The following TMEM114 variants were observed in gnomAD, a reference collection of about 807,000 sequenced individuals.
TMEM114 encodes the protein transmembrane protein 114.
TMEM114 carries 6 observed loss-of-function variants against 6.2 expected under a neutral mutation model. The observed-to-expected ratio is 0.97, with a 90% CI of 0.53 to 1.91. The LOEUF (loss-of-function observed/expected upper bound fraction) is 1.91. TMEM114 is among the 40% of genes most tolerant of loss of function. The pLI, the probability that TMEM114 is intolerant of heterozygous loss-of-function variation, is 0.01. For synonymous variants in TMEM114, 104 were observed against 73.0 expected, an observed-to-expected ratio of 1.42 and a Z score of -2.16; for missense variants, 218 against 158.3, an observed-to-expected ratio of 1.38 and a Z score of -2.02.
chr16:8,564,335 G>A (rs115836470), intron 2 of TMEM114, among the ~76,000 whole-genome samples: 1,480 of 139,896 alleles, frequency 0.011, 119 homozygotes, highest in African/African-American at 0.038. Flanking sequence ...GTTAGAGAAT[G>A]AGTCAGTGAG....
At chr16:8,527,611 A>G in the TMEM114 span, among the ~76,000 whole-genome samples, 1 of 152,076 alleles carries the variant, frequency 6.6e-6, no homozygotes, top group African/African-American at 2.4e-5. Context: ...CTGTGCCTGT[A>G]CTAAGCCCCT....
intron 2 of TMEM114, among the ~76,000 whole-genome samples, chr16:8,556,914 A>T (rs1596474630): frequency 6.6e-6 from 1 of 152,300 alleles, no homozygotes; most frequent in Middle Eastern, 3.4e-3. Flanking sequence ...GCCTTCCGTA[A>T]TGTGGCCCCT....
chr16:8,559,805 C>T (rs528692568), intron 2 of TMEM114, among the ~76,000 whole-genome samples: 1 of 152,124 alleles, frequency 6.6e-6, no homozygotes, highest in Non-Finnish European at 1.5e-5. Flanking sequence ...GTGCGTGAAG[C>T]CCAGGTTTCC....
At position 8,569,626 on chromosome 16, in the gene TMEM114, A is replaced by C; in HGVS notation, c.*147T>G. ...AGGATAACAGCCAGGCCCCAAGCTT[A>C]GTCCGCGGGGATTTGTGGGGGAAGG... On this transcript the variant is annotated 3_prime_UTR_variant, in exon 4 of 4. Coordinates refer to ENST00000620492, the MANE Select transcript of TMEM114 (RefSeq NM_001146336.2). The C allele has an allele frequency of 1.4e-6, 2 of 1,436,460 alleles. No individual in the cohort carries two copies. Among genetic ancestry groups the C allele is most frequent in the Middle Eastern group, 2.6e-4 (1 of 3,898 alleles). 89.0% of individuals were successfully genotyped at this position (1,436,460 alleles called of 1,614,324 possible). A position where few individuals can be genotyped will look rare whatever the true frequency, so the allele number is the denominator to read the frequency against.
At chr16:8,549,081 C>T (rs888195648) in intron 2 of TMEM114, among the ~76,000 whole-genome samples, 4 of 148,448 alleles carry the variant, frequency 2.7e-5, no homozygotes, top group Non-Finnish European at 4.4e-5. Flanking sequence ...GCTGGGGAGG[C>T]TGAGGCAGGA....
chr16:8,542,922 C>G (rs183598945), intron 2 of TMEM114, among the ~76,000 whole-genome samples: 2 of 152,292 alleles, frequency 1.3e-5, no homozygotes, highest in East Asian at 3.9e-4. Context: ...ATAATACAAA[C>G]TGCCGCTTAT....
chr16:8,557,269 C>G (rs1901045005), intron 2 of TMEM114, among the ~76,000 whole-genome samples: 1 of 152,144 alleles, frequency 6.6e-6, no homozygotes, highest in Admixed American at 6.5e-5. Context: ...CAACTTCCAC[C>G]TTGCCCATGG....
Position 8,554,295 on chromosome 16 carries a change from C to T in TMEM114, n.213-16469G>A, listed in dbSNP as rs1472180576. 8.5e-5 allele frequency among the ~76,000 whole-genome samples: 13 copies of T among 152,086 alleles called. No individual in the cohort carries two copies. The East Asian group carries it at 2.5e-3, about 29-fold the overall frequency. On this transcript the variant is annotated intron_variant and non_coding_transcript_variant, in intron 2 of 2. Coordinates refer to the TMEM114 transcript ENST00000623677. ...GTAGGGGCGGACAGAGTGGCTCAAG[C>T]CTGCAATTCCAGCCCTTTGGGAGGC...
At chr16:8,584,199 C>G (rs1412764067) in intron 2 of TMEM114, among the ~76,000 whole-genome samples, 4 of 152,226 alleles carry the variant, frequency 2.6e-5, no homozygotes. Context: ...TTCCAGCAGA[C>G]ATGAGCTTTT....
Position 8,573,359 on chromosome 16 carries a change from A to AT in TMEM114, c.302-1136dup, listed in dbSNP as rs572169042. Among the ~76,000 whole-genome samples, 182 of 152,268 alleles carry AT rather than the reference A, an allele frequency of 1.2e-3. 2 individuals carry two copies. Among genetic ancestry groups the AT allele is most frequent in the Admixed American group, 0.012 (179 of 15,290 alleles). On this transcript the variant is annotated intron_variant, in intron 2 of 3. Coordinates refer to ENST00000620492, the MANE Select transcript of TMEM114 (RefSeq NM_001146336.2). ...CTCCTCTCTAGTAGGATCTGGGGCC[A>AT]TTTCTAGAGAACTCCCAAGCCCAAA...
At chr16:8,563,682 T>TG (rs1255032025) in intron 2 of TMEM114, among the ~76,000 whole-genome samples, 5 of 151,008 alleles carry the variant, frequency 3.3e-5, no homozygotes, top group Admixed American at 6.6e-5. Flanking sequence ...AGTGAATGAG[T>TG]AAGTGAATGA....
downstream of TMEM114, among the ~76,000 whole-genome samples, chr16:8,566,495 A>C (rs996973833): frequency 1.3e-5 from 2 of 152,196 alleles, no homozygotes; most frequent in African/African-American, 4.8e-5. Context: ...AGAACAGATC[A>C]GAATGGATCA....
chr16:8,580,763 C>T (rs1222345530), intron 2 of TMEM114, among the ~76,000 whole-genome samples: 1 of 152,166 alleles, frequency 6.6e-6, no homozygotes, highest in African/African-American at 2.4e-5. Flanking sequence ...CTTATCTCGG[C>T]TCACTGCAAC....
intron 2 of TMEM114, among the ~76,000 whole-genome samples, chr16:8,555,807 C>T (rs1466281198): frequency 6.6e-6 from 1 of 152,210 alleles, no homozygotes; most frequent in Non-Finnish European, 1.5e-5. Flanking sequence ...TCCAGGGATT[C>T]TGCCAAACAG....
chr16:8,562,638 CAGTA>C (rs1433904410), intron 2 of TMEM114, among the ~76,000 whole-genome samples: 1 of 107,176 alleles, frequency 9.3e-6, no homozygotes, highest in African/African-American at 3.5e-5. Context: ...ATGAATCAGT[CAGTA>C]AGTGAATGAA....
downstream of TMEM114, among the ~76,000 whole-genome samples, chr16:8,567,066 A>AATTTTTTTT (rs1045389642): frequency 6.9e-6 from 1 of 144,372 alleles, no homozygotes; most frequent in Non-Finnish European, 1.5e-5. Context: ...ACAGCTGGCT[A>AATTTTTTTT]TTTTTTTTTT....
At chr16:8,551,339 C>G (rs979374299) in intron 2 of TMEM114, among the ~76,000 whole-genome samples, 7 of 152,196 alleles carry the variant, frequency 4.6e-5, no homozygotes, top group African/African-American at 1.4e-4. Context: ...GTGTTTGAAT[C>G]CAAGCTCCAG....
At chr16:8,569,497 G>T (rs1156470156), downstream of TMEM114, 33 of 1,359,522 alleles carry the variant, frequency 2.4e-5, no homozygotes, top group Non-Finnish European at 3.0e-5. Context: ...GTAAAGCTCT[G>T]TGTGTGATTA....
intron 2 of TMEM114, among the ~76,000 whole-genome samples, chr16:8,560,300 C>G (rs888444480): frequency 2.0e-5 from 3 of 151,908 alleles, no homozygotes; most frequent in Non-Finnish European, 4.4e-5. Context: ...GCCCAGCATG[C>G]CCAGTGATCT....
Sources: gnomAD v4.1 joint callset for allele counts (sites outside exome capture counted in the v4.1 genomes callset) on GRCh38, gnomAD v4.1.1 for gene constraint, MANE v1.5 for transcripts, NCBI Gene and HGNC (gene_info 2026-07-23, HGNC 2026-07-21) for gene names.